Variants in TMEM108 observed in about 807,000 individuals in gnomAD.
The protein encoded by TMEM108 is cancer/testis antigen 124.
Under a neutral mutation model 35.1 loss-of-function variants are expected in TMEM108, and 12 were observed. That is an observed-to-expected ratio of 0.34 (90% confidence interval 0.22 to 0.55). TMEM108 has a LOEUF of 0.55. Ranked by LOEUF, TMEM108 falls within the 20% of genes least tolerant of loss-of-function variation. TMEM108 has a pLI of 0.89. For synonymous variants in TMEM108, 287 were observed against 308.6 expected (o/e 0.93, Z 0.73); for missense variants, 680 against 753.3 (o/e 0.90, Z 1.14).
intron 4 of TMEM108, chr3:133,389,132 T>G: frequency 6.1e-6 from 6 of 985,726 alleles, no homozygotes; most frequent in Non-Finnish European, 7.2e-6. Flanking sequence ...GTGTTACCCT[T>G]CTGCAGTGTG....
intron 3 of TMEM108, among the ~76,000 whole-genome samples, chr3:133,356,636 T>G (rs931690159): frequency 6.6e-6 from 1 of 152,144 alleles, no homozygotes; most frequent in Non-Finnish European, 1.5e-5. Context: ...CTTAGACCAA[T>G]GGGACGGAAT....
intron 2 of TMEM108, among the ~76,000 whole-genome samples, chr3:133,132,478 A>G (rs1944503861): frequency 6.6e-6 from 1 of 152,212 alleles, no homozygotes; most frequent in Admixed American, 6.5e-5. Flanking sequence ...ATCTGTTTAT[A>G]GCATGGTTTA....
chr3:133,058,504 C>T (rs77529124), intron 2 of TMEM108, among the ~76,000 whole-genome samples: 3,814 of 152,322 alleles, frequency 0.025, 78 homozygotes, highest in South Asian at 0.062. Context: ...GGGTTCCCTT[C>T]CTGTCTTTTG....
At chr3:133,238,650 T>C (rs1946272262) in intron 3 of TMEM108, among the ~76,000 whole-genome samples, 1 of 152,100 alleles carries the variant, frequency 6.6e-6, no homozygotes, top group South Asian at 2.1e-4. Flanking sequence ...CTTCAGAAAC[T>C]AGAGAGAGAT....
chr3:133,301,799 C>T (rs1487021781), intron 3 of TMEM108, among the ~76,000 whole-genome samples: 1 of 152,154 alleles, frequency 6.6e-6, no homozygotes, highest in Non-Finnish European at 1.5e-5. Context: ...CACAAAAACA[C>T]TCAATGTTGG....
intron 2 of TMEM108, among the ~76,000 whole-genome samples, chr3:133,200,398 A>G (rs1044737949): frequency 2.6e-5 from 4 of 152,186 alleles, no homozygotes; most frequent in African/African-American, 9.7e-5. Context: ...CTCAGCCAAG[A>G]GAGAAGTTCT....
intron 2 of TMEM108, among the ~76,000 whole-genome samples, chr3:133,054,471 C>T (rs1352760961): frequency 6.6e-6 from 1 of 152,132 alleles, no homozygotes; most frequent in African/African-American, 2.4e-5. Context: ...TTGACATCTT[C>T]GACAAGTGTT....
At chr3:133,303,414 A>AT (rs1189719742) in intron 3 of TMEM108, 1 of 152,180 alleles carries the variant, frequency 6.6e-6, no homozygotes, top group African/African-American at 2.4e-5. Flanking sequence ...GAACCTTATC[A>AT]AGGTTTTCCA....
intron 3 of TMEM108, among the ~76,000 whole-genome samples, chr3:133,235,523 T>TGACTTACCTTA (rs1436530377): frequency 6.6e-6 from 1 of 152,154 alleles, no homozygotes; most frequent in Admixed American, 6.6e-5. Flanking sequence ...ACTTTCTAGG[T>TGACTTACCTTA]GACTTACCTT....
At chr3:133,161,151 G>C (rs1944955942) in intron 2 of TMEM108, among the ~76,000 whole-genome samples, 1 of 152,154 alleles carries the variant, frequency 6.6e-6, no homozygotes. Context: ...GCACCATTTT[G>C]TACCAGGCCC....
At chr3:133,350,880 C>T (rs990639832) in intron 3 of TMEM108, among the ~76,000 whole-genome samples, 2 of 152,046 alleles carry the variant, frequency 1.3e-5, no homozygotes, top group African/African-American at 2.4e-5. Flanking sequence ...AGCTTGCTGG[C>T]AAAGTATCAG....
intron 3 of TMEM108, among the ~76,000 whole-genome samples, chr3:133,275,497 T>C (rs1330623392): frequency 6.6e-6 from 1 of 152,246 alleles, no homozygotes; most frequent in African/African-American, 2.4e-5. Context: ...AAGGTTCAGT[T>C]TGGCCACATG....
chr3:133,052,541 GA>G (rs563092234), intron 2 of TMEM108, among the ~76,000 whole-genome samples: 175 of 117,778 alleles, frequency 1.5e-3, no homozygotes, highest in Middle Eastern at 8.5e-3. Context: ...TACAATGTTT[GA>G]AAAAAAAAAA....
chr3:133,089,618 A>G (rs1363763006), intron 2 of TMEM108, among the ~76,000 whole-genome samples: 1 of 152,182 alleles, frequency 6.6e-6, no homozygotes, highest in African/African-American at 2.4e-5. Flanking sequence ...GACAGAGAGG[A>G]GAAAAGATGT....
At chr3:133,303,031 C>G (rs896282704) in intron 3 of TMEM108, among the ~76,000 whole-genome samples, 1 of 152,094 alleles carries the variant, frequency 6.6e-6, no homozygotes, top group African/African-American at 2.4e-5. Context: ...ACTGGTAAAG[C>G]CTGAAGTGTT....
At chr3:133,141,990 CA>C (rs1944648235) in intron 2 of TMEM108, among the ~76,000 whole-genome samples, 2 of 152,146 alleles carry the variant, frequency 1.3e-5, no homozygotes. Flanking sequence ...AGAAGAGGGG[CA>C]GGCTGTCTTG....
At chr3:133,151,996 G>T (rs1445123814) in intron 2 of TMEM108, among the ~76,000 whole-genome samples, 2 of 152,144 alleles carry the variant, frequency 1.3e-5, no homozygotes, top group African/African-American at 2.4e-5. Context: ...TGCATCTACA[G>T]CTGACCTGCA....
intron 3 of TMEM108, among the ~76,000 whole-genome samples, chr3:133,315,290 A>G (rs1368083482): frequency 6.6e-6 from 1 of 152,258 alleles, no homozygotes; most frequent in African/African-American, 2.4e-5. Context: ...GACCCGCAAT[A>G]AAGAGAAGCC....
intron 2 of TMEM108, among the ~76,000 whole-genome samples, chr3:133,225,248 G>A (rs772243440): frequency 1.3e-5 from 2 of 151,900 alleles, no homozygotes; most frequent in African/African-American, 2.4e-5. Context: ...GGGTTTCATC[G>A]TGTTAGCCAG....
Sources: gnomAD v4.1 joint callset for allele counts (sites outside exome capture counted in the v4.1 genomes callset) on GRCh38, gnomAD v4.1.1 for gene constraint, MANE v1.5 for transcripts, NCBI Gene and HGNC (gene_info 2026-07-23, HGNC 2026-07-21) for gene names.